STS: variants seen among roughly 807,000 people sequenced by gnomAD.
STS encodes the protein steryl-sulfatase.
In STS, 7 loss-of-function variants were observed where a neutral mutation model predicts 26.8. The observed-to-expected ratio is 0.26, with a 90% confidence interval of 0.15 to 0.49. The LOEUF is 0.49. Among genes scored for constraint, STS ranks in the 20% least tolerant of loss-of-function variants. The probability of loss-of-function intolerance (pLI) is 0.98; values close to 1 mark genes in which losing one functional copy is unlikely to be tolerated. For synonymous variants in STS, 199 were observed against 189.4 expected (o/e 1.05, Z -0.42); for missense variants, 434 against 465.6 (o/e 0.93, Z 0.63).
At chrX:7,278,137 T>C (rs1924628178) in intron 7 of STS, among the ~76,000 whole-genome samples, 1 of 112,499 alleles carries the variant, frequency 8.9e-6, no homozygotes, top group Non-Finnish European at 1.9e-5. Flanking sequence ...TAGATGTTTG[T>C]GTTGTTTTTT....
intron 2 of STS, among the ~76,000 whole-genome samples, chrX:7,233,091 CTTTT>C (rs3077766): frequency 2.9e-5 from 2 of 69,872 alleles, no homozygotes; most frequent in Admixed American, 2.0e-4. Context: ...TTCTTTTTTT[CTTTT>C]TTTTTTTTTT....
At chrX:7,333,790 A>G (rs1197835694) in intron 9 of STS, among the ~76,000 whole-genome samples, 196 bp from the exon 10 acceptor site, 2 of 112,716 alleles carry the variant, frequency 1.8e-5, no homozygotes, top group African/African-American at 6.5e-5. Flanking sequence ...GTTCCAGCTC[A>G]TGGTGCTCTT....
intron 9 of STS, among the ~76,000 whole-genome samples, chrX:7,326,108 G>C (rs1016001969): frequency 9.0e-6 from 1 of 111,003 alleles, no homozygotes; most frequent in Admixed American, 9.6e-5. Context: ...TTGGGGTAGA[G>C]TGGGACTGAG....
At chrX:7,173,621 A>G (rs1488944540) in intron 1 of STS, among the ~76,000 whole-genome samples, 3 of 112,133 alleles carry the variant, frequency 2.7e-5, no homozygotes, top group Admixed American at 9.5e-5. Flanking sequence ...TGACTTTTTA[A>G]TAATTGCCAT....
chrX:7,320,004 A>ATATATATATTTATATATATTTATATAT (rs1569224351), intron 8 of STS, among the ~76,000 whole-genome samples: 2 of 84,040 alleles, frequency 2.4e-5, no homozygotes, highest in African/African-American at 1.1e-4. Flanking sequence ...ATATATTTTT[A>ATATATATATTTATATATATTTATATAT]TATATATATT....
intron 3 of STS, 132 bp downstream of exon 3, chrX:7,253,468 A>C: frequency 3.4e-6 from 3 of 882,914 alleles, no homozygotes; most frequent in Non-Finnish European, 4.9e-6. Context: ...GCCTGGCTTC[A>C]TGTAGATACA....
intron 1 of STS, among the ~76,000 whole-genome samples, chrX:7,153,772 T>C (rs1367212391): frequency 3.1e-5 from 3 of 96,547 alleles, no homozygotes; most frequent in African/African-American, 1.2e-4. Context: ...CTTTCCTCCT[T>C]CTCTCTTTTT....
chrX:7,200,877 G>A (rs1248255806), intron 2 of STS, among the ~76,000 whole-genome samples: 2 of 112,091 alleles, frequency 1.8e-5, no homozygotes, highest in Non-Finnish European at 3.8e-5. Flanking sequence ...GACAAGAGCT[G>A]TCTTTCCACA....
intron 8 of STS, among the ~76,000 whole-genome samples, chrX:7,316,184 G>C (rs1180262238): frequency 8.9e-6 from 1 of 111,811 alleles, no homozygotes; most frequent in African/African-American, 3.3e-5. Context: ...ACAATATTAA[G>C]TATGAGTTCA....
chrX:7,152,097 C>T (rs1020359895), intron 1 of STS, among the ~76,000 whole-genome samples: 1 of 108,853 alleles, frequency 9.2e-6, no homozygotes, highest in East Asian at 2.9e-4. Context: ...GGACTACAGG[C>T]ACCCGCCACT....
At chrX:7,236,543 T>TTATTTG (rs1176741035) in intron 2 of STS, among the ~76,000 whole-genome samples, 1 of 112,336 alleles carries the variant, frequency 8.9e-6, no homozygotes, top group Non-Finnish European at 1.9e-5. Flanking sequence ...ATTTGACACC[T>TTATTTG]TATAGTATTT....
At position 7,282,724 on chromosome X, in the gene STS, G is replaced by A. The variant is rs1235330663; in HGVS notation, c.943+6637G>A. On this transcript the variant is annotated intron_variant, in intron 7 of 10. Coordinates refer to ENST00000674429, the MANE Select transcript of STS (RefSeq NM_001320752.2). ...GATTTCCTTCAAGTTCTATAGACCA[G>A]GTACACATTAGGTGCTCAATAAGGA... Among the ~76,000 whole-genome samples, 5 of 112,164 alleles carry A rather than the reference G, an allele frequency of 4.5e-5. No homozygotes were observed. In the Admixed American group the frequency reaches 4.7e-4, roughly 11 times the overall value.
chrX:7,275,929 C>CTTTTTTTTTT, intron 6 of STS, 22 bp from the exon 7 acceptor site: 1 of 1,077,990 alleles, frequency 9.3e-7, no homozygotes, highest in Non-Finnish European at 1.2e-6. Context: ...TTTTTCCTCC[C>CTTTTTTTTTT]TTTTTTTTTT....
At chrX:7,328,259 A>G (rs751723080) in intron 9 of STS, among the ~76,000 whole-genome samples, 49 of 111,968 alleles carry the variant, frequency 4.4e-4, no homozygotes, top group African/African-American at 1.5e-3. Flanking sequence ...ATATCTTGGA[A>G]TGGTTTTCTA....
chrX:7,241,567 C>T (rs756246541), intron 2 of STS, among the ~76,000 whole-genome samples: 1 of 112,092 alleles, frequency 8.9e-6, no homozygotes, highest in Non-Finnish European at 1.9e-5. Context: ...GAAACATGTT[C>T]TTAAAATAAG....
intron 1 of STS, among the ~76,000 whole-genome samples, chrX:7,151,975 T>C (rs925178619): frequency 1.2e-4 from 13 of 111,505 alleles, no homozygotes; most frequent in African/African-American, 4.2e-4. Context: ...TTTTTTGAGA[T>C]GGAGTCTCAC....
chrX:7,162,948 T>C (rs936171269), intron 1 of STS, among the ~76,000 whole-genome samples: 2 of 100,091 alleles, frequency 2.0e-5, no homozygotes, highest in Non-Finnish European at 4.0e-5. Flanking sequence ...TCTCGGCTAC[T>C]CAGGAGGCTG....
At chrX:7,158,645 C>T (rs1933181997) in intron 1 of STS, among the ~76,000 whole-genome samples, 1 of 111,624 alleles carries the variant, frequency 9.0e-6, no homozygotes, top group South Asian at 3.8e-4. Flanking sequence ...TTGAGAAAGC[C>T]AGAAGCTTCC....
intron 7 of STS, among the ~76,000 whole-genome samples, chrX:7,296,666 C>T (rs752417787): frequency 1.8e-4 from 20 of 112,220 alleles, no homozygotes; most frequent in Non-Finnish European, 2.3e-4. Context: ...GCCCCATGAA[C>T]GTGAGAACAA....
Sources: allele counts gnomAD v4.1 joint callset (sites outside exome capture counted in the v4.1 genomes callset), GRCh38; gene constraint gnomAD v4.1.1; transcripts MANE v1.5; gene names NCBI Gene and HGNC (gene_info 2026-07-23, HGNC 2026-07-21).